Variants in USP42 observed in about 807,000 individuals in gnomAD.
USP42 encodes ubiquitin carboxyl-terminal hydrolase 42.
USP42 carries 23 observed loss-of-function variants against 113.0 expected under a neutral mutation model. That is an observed-to-expected ratio of 0.20 (90% CI 0.15 to 0.29). USP42 has a LOEUF of 0.29. USP42 is among the 10% of genes least tolerant of loss of function. The pLI, the probability that USP42 is intolerant of heterozygous loss-of-function variation, is 1.00. For synonymous variants in USP42, 933 were observed against 699.0 expected, an observed-to-expected ratio of 1.33 and a Z score of -5.28; for missense variants, 2,174 against 1,779.8, an observed-to-expected ratio of 1.22 and a Z score of -3.99.
chr7:6,130,981 T>C (rs952605291), intron 3 of USP42, among the ~76,000 whole-genome samples: 10 of 151,948 alleles, frequency 6.6e-5, no homozygotes, highest in African/African-American at 2.4e-4. Context: ...GAGCCACAGG[T>C]GTGGTCCAGA....
chr7:6,117,294 G>A (rs929880058), intron 3 of USP42, among the ~76,000 whole-genome samples: 2 of 152,010 alleles, frequency 1.3e-5, no homozygotes, highest in African/African-American at 4.8e-5. Flanking sequence ...ATGTGGAATT[G>A]TACAGTATAT....
intron 1 of USP42, among the ~76,000 whole-genome samples, chr7:6,108,454 G>A (rs760453786): frequency 6.6e-6 from 1 of 152,132 alleles, no homozygotes; most frequent in Non-Finnish European, 1.5e-5. Context: ...CTACTTCATA[G>A]CATGGGTAGT....
chr7:6,151,059 G>A (rs1405685750), intron 14 of USP42, among the ~76,000 whole-genome samples: 1 of 152,238 alleles, frequency 6.6e-6, no homozygotes, highest in East Asian at 1.9e-4. Flanking sequence ...GTAGGCAGCT[G>A]TAATACAGTG....
chr7:6,152,973 G>T (rs1397006279), intron 14 of USP42: 1 of 985,148 alleles, frequency 1.0e-6, no homozygotes, highest in Non-Finnish European at 1.2e-6. Flanking sequence ...TTATTAGGAA[G>T]AACTAGAGGA....
chr7:6,153,303 A>C (rs141510346), intron 14 of USP42, among the ~76,000 whole-genome samples: 2 of 94,284 alleles, frequency 2.1e-5, no homozygotes, highest in South Asian at 3.2e-4. Flanking sequence ...GAAACAAAAC[A>C]AAAAAAAAAA....
intron 12 of USP42, among the ~76,000 whole-genome samples, chr7:6,148,759 G>A (rs1054038138): frequency 6.6e-6 from 1 of 152,196 alleles, no homozygotes; most frequent in Non-Finnish European, 1.5e-5. Context: ...CTAGCTGCAT[G>A]CTTTATTTTA....
intron 3 of USP42, among the ~76,000 whole-genome samples, chr7:6,129,449 C>T (rs539434571): frequency 5.2e-4 from 78 of 148,732 alleles, no homozygotes; most frequent in African/African-American, 1.7e-3. Context: ...CCCAGCTATT[C>T]GGGAGGCTGA....
chr7:6,118,634 A>T (rs1340161995), intron 3 of USP42, among the ~76,000 whole-genome samples: 1 of 151,546 alleles, frequency 6.6e-6, no homozygotes, highest in Non-Finnish European at 1.5e-5. Context: ...TTTTTGGGTC[A>T]GTGGTCCATT....
chr7:6,093,762 C>T, the USP42 span, among the ~76,000 whole-genome samples: 8 of 150,284 alleles, frequency 5.3e-5, 1 homozygote, highest in African/African-American at 2.0e-4. Flanking sequence ...TATTTTGTGA[C>T]CAATCTATTT....
At chr7:6,124,651 A>T (rs978714277) in intron 3 of USP42, among the ~76,000 whole-genome samples, 1 of 152,116 alleles carries the variant, frequency 6.6e-6, no homozygotes, top group Non-Finnish European at 1.5e-5. Context: ...GAGGCATTAT[A>T]CCTTTTACAT....
chr7:6,116,655 A>G, intron 3 of USP42: 2 of 435,878 alleles, frequency 4.6e-6, no homozygotes, highest in Non-Finnish European at 8.8e-6. Context: ...AGAGCCAAGT[A>G]ATGCTTGTAA....
the USP42 span, among the ~76,000 whole-genome samples, chr7:6,094,828 C>T: frequency 2.0e-5 from 3 of 148,992 alleles, no homozygotes; most frequent in African/African-American, 7.6e-5. Context: ...TTTTTGGTCA[C>T]CCAGGCTGGA....
intron 4 of USP42, among the ~76,000 whole-genome samples, chr7:6,138,074 G>A (rs1477749168): frequency 6.6e-6 from 1 of 152,158 alleles, no homozygotes; most frequent in African/African-American, 2.4e-5. Flanking sequence ...GTGTGTGTGT[G>A]TATCCACTGA....
chr7:6,125,559 T>C (rs1465319612), intron 3 of USP42, among the ~76,000 whole-genome samples: 1 of 152,198 alleles, frequency 6.6e-6, no homozygotes, highest in Non-Finnish European at 1.5e-5. Flanking sequence ...ACTCCATCTT[T>C]CCTTTCCCAT....
the USP42 span, among the ~76,000 whole-genome samples, chr7:6,082,376 C>T: frequency 6.6e-6 from 1 of 152,030 alleles, no homozygotes; most frequent in Non-Finnish European, 1.5e-5. Flanking sequence ...GATCCGCCTG[C>T]CTTGGCCTCC....
chr7:6,125,199 A>C (rs1340999150), intron 3 of USP42, among the ~76,000 whole-genome samples: 5 of 149,912 alleles, frequency 3.3e-5, no homozygotes, highest in East Asian at 2.0e-4. Flanking sequence ...AAAAAAAAAA[A>C]AAAAACAGGC....
At chr7:6,121,181 T>G (rs1425992231) in intron 3 of USP42, among the ~76,000 whole-genome samples, 1 of 152,192 alleles carries the variant, frequency 6.6e-6, no homozygotes, top group Non-Finnish European at 1.5e-5. Flanking sequence ...TCCATTACAT[T>G]GTTAAATAGA....
chr7:6,122,674 T>C (rs1241964225), intron 3 of USP42, among the ~76,000 whole-genome samples: 1 of 152,002 alleles, frequency 6.6e-6, no homozygotes, highest in Non-Finnish European at 1.5e-5. Flanking sequence ...TTTCAACATG[T>C]TGGCCAGGAT....
intron 4 of USP42, among the ~76,000 whole-genome samples, chr7:6,136,284 G>A (rs963550298): frequency 1.3e-5 from 2 of 152,020 alleles, no homozygotes; most frequent in African/African-American, 4.8e-5. Flanking sequence ...GATTACAGGC[G>A]TGAGCCACCA....
Sources: allele counts gnomAD v4.1 joint callset (sites outside exome capture counted in the v4.1 genomes callset), GRCh38; gene constraint gnomAD v4.1.1; transcripts MANE v1.5; gene names NCBI Gene and HGNC (gene_info 2026-07-23, HGNC 2026-07-21).